LHPP: variants seen among roughly 807,000 people sequenced by gnomAD.
LHPP encodes the protein phospholysine phosphohistidine inorganic pyrophosphate phosphatase, also known as hLHPP.
In LHPP, 24 loss-of-function variants were observed where a neutral mutation model predicts 30.3. The observed-to-expected ratio is 0.79, with a 90% CI of 0.57 to 1.11. The LOEUF (loss-of-function observed/expected upper bound fraction) is 1.11, where lower values mean the gene tolerates loss of function less well. Among genes scored for constraint, LHPP ranks in the 50% most tolerant of loss-of-function variants. The pLI is 0.00. For synonymous variants in LHPP, 150 were observed against 157.1 expected (o/e 0.95, Z 0.34); for missense variants, 356 against 367.2 (o/e 0.97, Z 0.25).
At chr10:124,587,345 G>A (rs12773846) in intron 6 of LHPP, among the ~76,000 whole-genome samples, 49,295 of 151,626 alleles carry the variant, frequency 0.33, 8,394 homozygotes, top group South Asian at 0.44. Flanking sequence ...TCCACTTTCT[G>A]TGGTGTAAAT....
chr10:124,504,430 G>GA (rs1384847795), intron 5 of LHPP, among the ~76,000 whole-genome samples: 6 of 42,802 alleles, frequency 1.4e-4, no homozygotes, highest in East Asian at 7.8e-4. Flanking sequence ...CGTCTCTACA[G>GA]AAAAAATGCA....
intron 6 of LHPP, among the ~76,000 whole-genome samples, chr10:124,603,670 C>A (rs987759696): frequency 6.6e-6 from 1 of 152,232 alleles, no homozygotes; most frequent in African/African-American, 2.4e-5. Flanking sequence ...AGCCTCCTCG[C>A]GGCCCTCGCC....
intron 1 of LHPP, among the ~76,000 whole-genome samples, chr10:124,481,391 T>TTG (rs34769709): frequency 0.024 from 3,313 of 140,818 alleles, 112 homozygotes; most frequent in Non-Finnish European, 0.031. Context: ...TTTTTTTTTT[T>TTG]TTTGCGACAG....
At position 124,596,675 on chromosome 10, in the gene LHPP, G is replaced by A. The variant is rs566638856; in HGVS notation, c.717-16589G>A. ...CAGGGAGGAGCAGCCTGGCCTATGAGCAGGGGGACACCATGAAGCTGGGTG... is the reference window on the plus strand; with the variant it reads ...CAGGGAGGAGCAGCCTGGCCTATGAACAGGGGGACACCATGAAGCTGGGTG... On this transcript the variant is annotated intron_variant, in intron 6 of 6. Coordinates refer to ENST00000368842, the MANE Select transcript of LHPP (RefSeq NM_022126.4). The surrounding 1 kb of genome is among the most constrained non-coding windows in gnomAD (Gnocchi z 4.6). 6.6e-6 allele frequency among the ~76,000 whole-genome samples: 1 copy of A among 152,320 alleles called. No individual in the cohort carries two copies. Among genetic ancestry groups the A allele is most frequent in the African/African-American group, 2.4e-5 (1 of 41,576 alleles).
chr10:124,466,397 C>T (rs1363100091), intron 1 of LHPP, among the ~76,000 whole-genome samples: 1 of 152,168 alleles, frequency 6.6e-6, no homozygotes, highest in Non-Finnish European at 1.5e-5. Context: ...GTGGGGGCCA[C>T]TGTGTGGTTG....
At chr10:124,545,635 C>T (rs567471473) in intron 6 of LHPP, among the ~76,000 whole-genome samples, 38 of 150,008 alleles carry the variant, frequency 2.5e-4, no homozygotes, top group Non-Finnish European at 4.7e-4. Context: ...AAAGGCCCAG[C>T]GGGTGTGTCA....
At chr10:124,504,978 C>T (rs550263739) in intron 5 of LHPP, among the ~76,000 whole-genome samples, 1 of 152,258 alleles carries the variant, frequency 6.6e-6, no homozygotes, top group South Asian at 2.1e-4. Context: ...CTGCCATCCA[C>T]CCTGAGCATC....
chr10:124,606,212 G>C (rs1489687554), intron 6 of LHPP, among the ~76,000 whole-genome samples: 1 of 152,168 alleles, frequency 6.6e-6, no homozygotes, highest in African/African-American at 2.4e-5. Flanking sequence ...CAGGCCCCGA[G>C]GGCCAGGCAC....
chr10:124,469,520 T>A (rs1952666807), intron 1 of LHPP, among the ~76,000 whole-genome samples: 1 of 152,010 alleles, frequency 6.6e-6, no homozygotes, highest in Admixed American at 6.6e-5. Flanking sequence ...TGGGGGGGGC[T>A]TCCTCTTTTC....
At position 124,496,895 on chromosome 10, in the gene LHPP, A is replaced by G. The variant is rs140609247; in HGVS notation, c.468-66A>G. 724 of 1,456,304 alleles carry G rather than the reference A, an allele frequency of 5.0e-4. 9 individuals carry two copies. The East Asian group carries it at 0.015, about 30-fold the overall frequency. 90.2% of individuals were successfully genotyped at this position (1,456,304 alleles called of 1,614,324 possible). A position where few individuals can be genotyped will look rare whatever the true frequency, so the allele number is the denominator to read the frequency against. On this transcript the variant is annotated intron_variant, in intron 3 of 6. Transcript: ENST00000368842. This position sits in a 1 kb window ranked among gnomAD's most constrained non-coding sequence, Gnocchi z 4.3. Reference sequence around the variant, plus strand: ...GGACAGGCCCGGTGCTCAGCTCCCGATACTTAGCATCCTGCGGTCAGCTCC... The same window carrying G: ...GGACAGGCCCGGTGCTCAGCTCCCGGTACTTAGCATCCTGCGGTCAGCTCC...
At chr10:124,594,492 C>T (rs890751222) in intron 6 of LHPP, among the ~76,000 whole-genome samples, 2 of 152,128 alleles carry the variant, frequency 1.3e-5, no homozygotes, top group African/African-American at 4.8e-5. Context: ...TCACCCTGCT[C>T]ATTGTTCATA....
At chr10:124,501,534 G>A (rs936168494) in intron 5 of LHPP, among the ~76,000 whole-genome samples, 2 of 150,774 alleles carry the variant, frequency 1.3e-5, no homozygotes, top group Non-Finnish European at 2.9e-5. Context: ...CCCAGGAGGT[G>A]GAGATTGCAG....
At chr10:124,563,769 C>G (rs1208485370) in intron 6 of LHPP, among the ~76,000 whole-genome samples, 2 of 152,072 alleles carry the variant, frequency 1.3e-5, no homozygotes, top group East Asian at 1.9e-4. Context: ...ACCTAGCAAC[C>G]CAGAATGCCT....
chr10:124,503,948 T>G (rs1407734017), intron 5 of LHPP, among the ~76,000 whole-genome samples: 3 of 152,134 alleles, frequency 2.0e-5, no homozygotes, highest in Non-Finnish European at 4.4e-5. Flanking sequence ...TCTCAGCACT[T>G]TAGGAGTCCA....
rs1478389667 is a variant in LHPP, at chr10:124,523,181, T to TTA, written c.716+5910_716+5911insTA. On this transcript the variant is annotated intron_variant, in intron 6 of 6. Coordinates refer to ENST00000368842, the MANE Select transcript of LHPP (RefSeq NM_022126.4). The surrounding 1 kb of genome is among the most constrained non-coding windows in gnomAD (Gnocchi z 4.2). ...GTTTACCCAAGGCTGGCAGATGTTT[T>TTA]ATAAGCCCCGAACGTTCTTGACAAA... 6.6e-6 allele frequency among the ~76,000 whole-genome samples: 1 copy of TTA among 152,252 alleles called. No homozygotes were observed. The highest frequency in any genetic ancestry group is 2.4e-5 in the African/African-American group (1 of 41,476).
intron 5 of LHPP, among the ~76,000 whole-genome samples, chr10:124,512,890 G>A (rs1439217002): frequency 6.6e-6 from 1 of 152,110 alleles, no homozygotes; most frequent in African/African-American, 2.4e-5. Flanking sequence ...TCCCCCAGAT[G>A]GAGAGCAAAT....
At chr10:124,535,641 C>G (rs1208908524) in intron 6 of LHPP, among the ~76,000 whole-genome samples, 4 of 151,586 alleles carry the variant, frequency 2.6e-5, no homozygotes, top group Non-Finnish European at 4.4e-5. Context: ...CTCCTGGCCT[C>G]AAGTGATTCT....
Position 124,476,644 on chromosome 10 carries a change from G to A in LHPP, c.126-7495G>A, listed in dbSNP as rs542646921. Among the ~76,000 whole-genome samples, 6 of 152,306 alleles carry A rather than the reference G, an allele frequency of 3.9e-5. No individual in the cohort carries two copies. The East Asian group carries it at 5.8e-4, about 15-fold the overall frequency. The stretch of plus-strand genomic sequence containing the variant: ...TGGTGTGCTTCATGGTGCAGGGCAC[G>A]GGGTGGGCTCATGCGCACATCAGTG... On this transcript the variant is annotated intron_variant, in intron 1 of 6. Coordinates refer to ENST00000368842, the MANE Select transcript of LHPP (RefSeq NM_022126.4).
chr10:124,483,653 A>G (rs1953214678), intron 1 of LHPP, among the ~76,000 whole-genome samples: 1 of 152,178 alleles, frequency 6.6e-6, no homozygotes, highest in Non-Finnish European at 1.5e-5. Context: ...GCTGCTCTGG[A>G]GGCTGAGGCA....
Sources: gnomAD v4.1 joint callset for allele counts (sites outside exome capture counted in the v4.1 genomes callset) on GRCh38, gnomAD v4.1.1 for gene constraint, Gnocchi (gnomAD v3.1) non-coding constraint, MANE v1.5 for transcripts, NCBI Gene and HGNC (gene_info 2026-07-23, HGNC 2026-07-21) for gene names.